Variants in APC observed in about 807,000 individuals in gnomAD.
The protein encoded by APC is adenomatous polyposis coli protein.
Under a neutral mutation model 247.0 loss-of-function variants are expected in APC, and 72 were observed. The ratio of observed to expected loss-of-function variants is 0.29; its 90% CI spans 0.24 to 0.35. The LOEUF is 0.35. Ranked by LOEUF, APC falls within the 10% of genes least tolerant of loss-of-function variation. The pLI is 1.00. For missense variants in APC, 3,400 were observed against 3,360.7 expected (o/e 1.01, Z -0.29); for synonymous variants, 1,254 against 1,162.5 (o/e 1.08, Z -1.60).
In APC at chr5:112,841,052, T is replaced by A. The variant is rs1301894985; in HGVS notation, c.5458T>A (p.Ser1820Thr). The A allele has an allele frequency of 1.2e-6, 2 of 1,612,062 alleles. No homozygotes were observed. The highest frequency in any genetic ancestry group is 1.7e-6 in the Non-Finnish European group (2 of 1,178,238). The change falls in exon 16 of 16, where the codon TCC (serine) becomes ACC (threonine). Residue 1820 changes from serine (S) to threonine (T), a missense_variant. Transcript: ENST00000257430. This position sits in a 1 kb window ranked among gnomAD's most constrained non-coding sequence, Gnocchi z 4.6. The stretch of plus-strand genomic sequence containing the variant: ...AAAGAAACAGAATTTGAAAAATAAT[T>A]CCAAGGTCTTCAATGATAAGCTCCC... ...DSKKQNLKNN[S>T]KVFNDKLPNN...
At chr5:112,719,413 G>A (rs545746379) in intron 1 of APC, among the ~76,000 whole-genome samples, 1 of 151,226 alleles carries the variant, frequency 6.6e-6, no homozygotes, top group South Asian at 2.1e-4. Flanking sequence ...AGTAGAGGTG[G>A]GGTTTTACCA....
Position 112,778,345 on chromosome 5 carries a change from T to G in APC, c.532-2445T>G, listed in dbSNP as rs573062341. The G allele has an allele frequency of 2.6e-5, 4 of 152,316 alleles. No individual in the cohort carries two copies. The East Asian group carries it at 7.7e-4, about 29-fold the overall frequency. 9.4% of individuals were successfully genotyped at this position (152,316 alleles called of 1,614,324 possible). A position where few individuals can be genotyped will look rare whatever the true frequency, so the allele number is the denominator to read the frequency against. ...CATGGGATGGCACATATAAGAATAT[T>G]TCTCAAATACATTTATAGTGGCTGC... On this transcript the variant is annotated intron_variant, in intron 5 of 15. Transcript: ENST00000257430.
At chr5:112,832,848 TC>T (rs947098462) in intron 14 of APC, among the ~76,000 whole-genome samples, 2 of 152,124 alleles carry the variant, frequency 1.3e-5, no homozygotes, top group Non-Finnish European at 2.9e-5. Flanking sequence ...TATCTTTTTT[TC>T]CCCCCAAAGC....
chr5:112,806,421 T>G (rs1184969395), intron 8 of APC, among the ~76,000 whole-genome samples: 1 of 152,158 alleles, frequency 6.6e-6, no homozygotes, highest in Admixed American at 6.5e-5. Flanking sequence ...AAGAAAGGGT[T>G]TCTTGATCTG....
chr5:112,737,783 G>C (rs1752494298), upstream of APC: 10 of 947,928 alleles, frequency 1.1e-5, no homozygotes, highest in Non-Finnish European at 1.3e-5. Context: ...CGCTGGATGC[G>C]GACCAGGGCG....
rs1765792439 is a variant in APC at position 112,840,471 on chromosome 5, C to A, written c.4877C>A (p.Pro1626His). ...CTACCATCACAAAACAGGTTGCAAC[C>A]CCAAAAGCATGTTAGTTTTACACCG... The part of the protein sequence containing the change: ...KLLPSQNRLQ[P>H]QKHVSFTPGD... The change falls in exon 16 of 16, where the codon CCC becomes CAC. Residue 1626 changes from proline to histidine, a missense_variant. Pro to His is a moderately conservative substitution (Grantham distance 77, BLOSUM62 -2). Transcript: ENST00000257430. This position sits in a 1 kb window ranked among gnomAD's most constrained non-coding sequence, Gnocchi z 4.1. The A allele has an allele frequency of 6.2e-7, 1 of 1,614,118 alleles. No homozygotes were observed. The highest frequency in any genetic ancestry group is 8.5e-7 in the Non-Finnish European group (1 of 1,179,994).
intron 6 of APC, among the ~76,000 whole-genome samples, chr5:112,784,836 A>G (rs1758767446): frequency 6.6e-6 from 1 of 152,224 alleles, no homozygotes; most frequent in Non-Finnish European, 1.5e-5. Flanking sequence ...CCTTATATTA[A>G]GAAAATAGTG....
At position 112,837,647 on chromosome 5, in the gene APC, TG is replaced by T; in HGVS notation, c.2055del (p.Trp685Ter). 1 of 1,613,796 alleles carries T rather than the reference TG, an allele frequency of 6.2e-7. No homozygotes were observed. Among genetic ancestry groups the T allele is most frequent in the Non-Finnish European group, 8.5e-7 (1 of 1,179,682 alleles). On this transcript the variant is annotated frameshift_variant, in exon 16 of 16. Transcript: ENST00000257430. LOFTEE classifies it high-confidence loss of function. ...AGTCAGTAATGCATGTGGAACTTTG[TG>T]GAATCTCTCAGCAAGAAATCCTAAA... ...TIVSNACGTL[W>X]NLSARNPKDQ...
At chr5:112,798,561 A>C (rs1222948955) in intron 7 of APC, among the ~76,000 whole-genome samples, 1 of 152,202 alleles carries the variant, frequency 6.6e-6, no homozygotes, top group African/African-American at 2.4e-5. Context: ...ACCTCACCAA[A>C]ATTTTTTTTC....
intron 5 of APC, among the ~76,000 whole-genome samples, chr5:112,779,734 T>A (rs929785340): frequency 6.6e-6 from 1 of 152,006 alleles, no homozygotes; most frequent in African/African-American, 2.4e-5. Context: ...ACTGGCTCAG[T>A]AGGAATAAGA....
chr5:112,795,670 C>T (rs1760141841), intron 7 of APC, among the ~76,000 whole-genome samples: 1 of 152,160 alleles, frequency 6.6e-6, no homozygotes, highest in Non-Finnish European at 1.5e-5. Flanking sequence ...TTTATTATAC[C>T]ATTCTAGCCT....
rs993444941 is a variant in APC at position 112,829,062 on chromosome 5, C to G, written c.1743+90C>G. The G allele has an allele frequency of 1.8e-5, 16 of 902,474 alleles. No homozygotes were observed. In the African/African-American group the frequency reaches 2.5e-4, roughly 14 times the overall value. 55.9% of individuals were successfully genotyped at this position (902,474 alleles called of 1,614,324 possible). ...TTTTAGCCATGAGATTTCCTAATTTCTTACCTGTGTATTATTCAGTACTAT... is the reference window on the plus strand; with the variant it reads ...TTTTAGCCATGAGATTTCCTAATTTGTTACCTGTGTATTATTCAGTACTAT... On this transcript the variant is annotated intron_variant, in intron 14 of 15. Transcript: ENST00000257430.
chr5:112,822,377 CTT>C (rs1206657305), intron 11 of APC, among the ~76,000 whole-genome samples: 1 of 152,174 alleles, frequency 6.6e-6, no homozygotes, highest in African/African-American at 2.4e-5. Flanking sequence ...AACTCAGTCA[CTT>C]TTGATGAGCA....
intron 2 of APC, among the ~76,000 whole-genome samples, chr5:112,764,080 A>T (rs1313830257): frequency 3.0e-4 from 1 of 3,286 alleles, no homozygotes; most frequent in African/African-American, 3.3e-4. Context: ...TACTATACTA[A>T]AAAAAAAAAA....
In APC at chr5:112,840,840, A is replaced by G. The variant is rs2149935637; in HGVS notation, c.5246A>G (p.Gln1749Arg). The change falls in exon 16 of 16, where the codon CAG (glutamine) becomes CGG (arginine). Residue 1749 changes from glutamine (Q) to arginine (R), a missense_variant. Physicochemically the swap from Gln to Arg is conservative, Grantham distance 43 (BLOSUM62 1). This residue lies in a region of APC where 1,788 missense variants were observed against 1,649.5 expected (regional missense o/e 1.08). Coordinates refer to ENST00000257430, the MANE Select transcript of APC (RefSeq NM_000038.6). This position sits in a 1 kb window ranked among gnomAD's most constrained non-coding sequence, Gnocchi z 4.1. ...TTCCGTGTGAAAAAGATAATGGACC[A>G]GGTCCAGCAAGCATCTGCGTCTTCT... Reference protein sequence around the residue: ...KPFRVKKIMDQVQQASASSSA... With the variant: ...KPFRVKKIMDRVQQASASSSA... The G allele has an allele frequency of 6.2e-7, 1 of 1,614,152 alleles. No individual in the cohort carries two copies. The highest frequency in any genetic ancestry group is 8.5e-7 in the Non-Finnish European group (1 of 1,179,994).
intron 1 of APC, chr5:112,738,198 C>A: frequency 1.2e-6 from 1 of 845,134 alleles, no homozygotes; most frequent in Non-Finnish European, 1.4e-6. Context: ...GTTTTTGAAG[C>A]CAGAAGGGGT....
rs200468360 is a variant in APC at position 112,842,445 on chromosome 5, C to G, written c.6851C>G (p.Pro2284Arg). ...CCATCTGTGAAATCAGAATTAAGCC[C>G]TGTTGCCAGGCAGACATCCCAAATA... The part of the protein sequence containing the change: ...AKPSVKSELS[P>R]VARQTSQIGG... Residue 2284 changes from proline to arginine, a missense_variant, in exon 16 of 16, where the codon CCT (proline) becomes CGT (arginine). Around this residue, in one of 9 missense-constraint regions of APC, gnomAD observed 1,788 missense variants for 1,649.5 expected, o/e 1.08. Transcript: ENST00000257430. The G allele has an allele frequency of 6.2e-7, 1 of 1,613,984 alleles. No individual in the cohort carries two copies. The highest frequency in any genetic ancestry group is 1.3e-5 in the African/African-American group (1 of 75,022).
At position 112,838,379 on chromosome 5, in the gene APC, C is replaced by T. The variant is rs1183098771; in HGVS notation, c.2785C>T (p.His929Tyr). 2.5e-6 allele frequency: 4 copies of T among 1,614,006 alleles called. No individual in the cohort carries two copies. Among genetic ancestry groups the T allele is most frequent in the South Asian group, 1.1e-5 (1 of 91,086 alleles). ...RNALRRSSAAHTHSNTYNFTK... is the reference protein window; with the variant it reads ...RNALRRSSAAYTHSNTYNFTK... Reference sequence around the variant, plus strand: ...TGCACTTAGAAGAAGCTCTGCTGCCCATACACATTCAAACACTTACAATTT... The same window carrying T: ...TGCACTTAGAAGAAGCTCTGCTGCCTATACACATTCAAACACTTACAATTT... The change falls in exon 16 of 16, where the codon CAT becomes TAT. Residue 929 changes from histidine to tyrosine, a missense_variant. Physicochemically the swap from His to Tyr is moderately conservative, Grantham distance 83 (BLOSUM62 2). Coordinates refer to ENST00000257430, the MANE Select transcript of APC (RefSeq NM_000038.6).
chr5:112,760,180 C>T (rs1755496239), intron 2 of APC, among the ~76,000 whole-genome samples: 1 of 152,094 alleles, frequency 6.6e-6, no homozygotes, highest in Admixed American at 6.5e-5. Context: ...GAAAGAAACT[C>T]TTGAGGACTT....
Sources: allele counts gnomAD v4.1 joint callset (sites outside exome capture counted in the v4.1 genomes callset), GRCh38; gene constraint gnomAD v4.1.1; regional missense constraint gnomAD v4.1.1; non-coding constraint Gnocchi (gnomAD v3.1); transcripts MANE v1.5; gene names NCBI Gene and HGNC (gene_info 2026-07-23, HGNC 2026-07-21).